Variants in TXNDC8 observed in about 807,000 individuals in gnomAD.
The protein encoded by TXNDC8 is thioredoxin domain-containing protein 8.
Under a neutral mutation model 12.9 loss-of-function variants are expected in TXNDC8, and 15 were observed. The ratio of observed to expected loss-of-function variants is 1.16; its 90% CI spans 0.78 to 1.79. The LOEUF is 1.79. Among genes scored for constraint, TXNDC8 ranks in the 40% most tolerant of loss-of-function variants. The pLI is 0.00. For synonymous variants in TXNDC8, 40 were observed against 35.4 expected, an observed-to-expected ratio of 1.13 and a Z score of -0.46; for missense variants, 128 against 113.2, an observed-to-expected ratio of 1.13 and a Z score of -0.59.
At chr9:110,329,781 T>A (rs1480672133) in intron 2 of TXNDC8, among the ~76,000 whole-genome samples, 2 of 152,218 alleles carry the variant, frequency 1.3e-5, no homozygotes, top group African/African-American at 4.8e-5. Flanking sequence ...AACATTTTAA[T>A]GCTGACCATT....
chr9:110,311,547 A>G (rs563186893), intron 3 of TXNDC8, among the ~76,000 whole-genome samples: 2,532 of 129,140 alleles, frequency 0.02, 231 homozygotes, highest in African/African-American at 0.07. Flanking sequence ...ATATATATAT[A>G]TATATATATA....
rs998397365 is a variant in TXNDC8 at position 110,316,105 on chromosome 9, A to G, written c.195+10070T>C. On this transcript the variant is annotated intron_variant, in intron 3 of 4. Coordinates refer to ENST00000423740, the MANE Select transcript of TXNDC8 (RefSeq NM_001286946.2). ...TTTTTAGAAGAGATGGGGTTTCACC[A>G]TCTAGGCTACTACCTGCTAGGCTGG... Among the ~76,000 whole-genome samples, 10 of 150,848 alleles carry G rather than the reference A, an allele frequency of 6.6e-5. No homozygotes were observed. The East Asian group carries it at 7.8e-4, about 12-fold the overall frequency.
Position 110,337,836 on chromosome 9 carries a change from T to G in TXNDC8, c.-40A>C, listed in dbSNP as rs1465876724. On this transcript the variant is annotated 5_prime_UTR_variant, in exon 1 of 5. Coordinates refer to ENST00000423740, the MANE Select transcript of TXNDC8 (RefSeq NM_001286946.2). ...AGTGCTGATGAAAATCCCCTGTTGG[T>G]TTAGTTGGATCACTGTAGCTGTCTC... The G allele has an allele frequency of 2.5e-6, 4 of 1,605,388 alleles. No individual in the cohort carries two copies. In the Admixed American group the frequency reaches 5.0e-5, roughly 20 times the overall value.
chr9:110,325,043 C>CG (rs922279718), intron 3 of TXNDC8, among the ~76,000 whole-genome samples: 4 of 151,984 alleles, frequency 2.6e-5, no homozygotes, highest in Non-Finnish European at 4.4e-5. Context: ...ACCCAGGAGG[C>CG]GGAGGTTGCA....
intron 3 of TXNDC8, among the ~76,000 whole-genome samples, chr9:110,309,285 C>G (rs1838573621): frequency 6.6e-6 from 1 of 152,032 alleles, no homozygotes; most frequent in Non-Finnish European, 1.5e-5. Flanking sequence ...ATTGACCCCC[C>G]CACAATATGC....
intron 3 of TXNDC8, among the ~76,000 whole-genome samples, chr9:110,312,999 G>A (rs544243932): frequency 1.4e-4 from 21 of 152,212 alleles, no homozygotes; most frequent in African/African-American, 3.9e-4. Context: ...TCCGCCACCC[G>A]GATTCAAGTG....
chr9:110,323,944 G>A (rs758274012), intron 3 of TXNDC8: 2 of 1,550,948 alleles, frequency 1.3e-6, no homozygotes, highest in East Asian at 2.4e-5. Context: ...CTGGAGTCAA[G>A]GGTCCATTTC....
chr9:110,326,940 G>GCACACACACA (rs377527245), intron 2 of TXNDC8, among the ~76,000 whole-genome samples: 29,616 of 142,738 alleles, frequency 0.21, 3,223 homozygotes, highest in Admixed American at 0.23. Flanking sequence ...TGCTACTCAT[G>GCACACACACA]CACACACACA....
chr9:110,330,335 C>A (rs1032016170), intron 2 of TXNDC8, among the ~76,000 whole-genome samples: 1 of 152,178 alleles, frequency 6.6e-6, no homozygotes, highest in Non-Finnish European at 1.5e-5. Flanking sequence ...TCTTGTGCAA[C>A]CTCCAAAAAT....
chr9:110,322,892 C>T, intron 3 of TXNDC8: 1 of 985,418 alleles, frequency 1.0e-6, no homozygotes, highest in African/African-American at 1.7e-5. Context: ...CTTCTAGTCA[C>T]TGAGCTTTCA....
chr9:110,327,323 T>TAC (rs1447750882), intron 2 of TXNDC8, among the ~76,000 whole-genome samples: 4 of 33,344 alleles, frequency 1.2e-4, no homozygotes, highest in African/African-American at 9.3e-4. Context: ...GTTTATACTA[T>TAC]ATATTTTTTT....
chr9:110,310,743 G>A (rs546782121), intron 3 of TXNDC8, among the ~76,000 whole-genome samples: 6 of 152,254 alleles, frequency 3.9e-5, no homozygotes, highest in Middle Eastern at 3.4e-3. Context: ...AATGTCTTAA[G>A]AATTGCCAGC....
downstream of TXNDC8, among the ~76,000 whole-genome samples, chr9:110,302,086 C>T (rs1445642641): frequency 1.3e-5 from 2 of 151,988 alleles, no homozygotes; most frequent in Admixed American, 6.6e-5. Context: ...ACCTTCCAGG[C>T]GCAAGTAATC....
rs1258736041 is a variant in TXNDC8, at chr9:110,304,593, C to T, written c.196-61G>A. 6 of 1,455,118 alleles carry T rather than the reference C, an allele frequency of 4.1e-6. No individual in the cohort carries two copies. In the African/African-American group the frequency reaches 7.1e-5, roughly 17 times the overall value. 90.1% of individuals were successfully genotyped at this position (1,455,118 alleles called of 1,614,324 possible). ...GTTGCCTGGTTTGTAACCATCTCCC[C>T]TATAACTGGTTCTTTTGGCCTTGGC... is the stretch of plus-strand genomic sequence containing the variant. On this transcript the variant is annotated intron_variant, in intron 3 of 4. Coordinates refer to ENST00000423740, the MANE Select transcript of TXNDC8 (RefSeq NM_001286946.2).
intron 3 of TXNDC8, among the ~76,000 whole-genome samples, chr9:110,318,205 A>G (rs1838954562): frequency 6.6e-6 from 1 of 152,156 alleles, no homozygotes; most frequent in Non-Finnish European, 1.5e-5. Context: ...GAGCATTCCT[A>G]TGTGTCTGAC....
At chr9:110,324,093 A>G (rs1173502859) in intron 3 of TXNDC8, 1 of 1,433,894 alleles carries the variant, frequency 7.0e-7, no homozygotes, top group African/African-American at 1.4e-5. Flanking sequence ...GCTGGGTGCC[A>G]AAAAGAAGTG....
chr9:110,333,238 A>G (rs1839611336), intron 2 of TXNDC8, among the ~76,000 whole-genome samples: 1 of 152,160 alleles, frequency 6.6e-6, no homozygotes, highest in African/African-American at 2.4e-5. Context: ...GTGAGCTGTC[A>G]TTACTGCCTG....
At chr9:110,307,206 C>T (rs1300224750) in intron 3 of TXNDC8, among the ~76,000 whole-genome samples, 1 of 151,858 alleles carries the variant, frequency 6.6e-6, no homozygotes, top group African/African-American at 2.4e-5. Flanking sequence ...CTCCTGCCTC[C>T]CCTCCCAAAG....
Position 110,303,495 on chromosome 9 carries a change from A to C in TXNDC8, c.*187T>G. On this transcript the variant is annotated 3_prime_UTR_variant, in exon 5 of 5. Coordinates refer to ENST00000423740, the MANE Select transcript of TXNDC8 (RefSeq NM_001286946.2). ...TTGCTCTTGCCTTTTCAAATGTCACAAGTGTATTTTGCCTTGGAGATCAGC... is the reference window on the plus strand; with the variant it reads ...TTGCTCTTGCCTTTTCAAATGTCACCAGTGTATTTTGCCTTGGAGATCAGC... 2.6e-6 allele frequency: 4 copies of C among 1,519,434 alleles called. No homozygotes were observed. The highest frequency in any genetic ancestry group is 3.6e-6 in the Non-Finnish European group (4 of 1,126,396). 94.1% of individuals were successfully genotyped at this position (1,519,434 alleles called of 1,614,324 possible).
Sources: allele counts gnomAD v4.1 joint callset (sites outside exome capture counted in the v4.1 genomes callset), GRCh38; gene constraint gnomAD v4.1.1; transcripts MANE v1.5; gene names NCBI Gene and HGNC (gene_info 2026-07-23, HGNC 2026-07-21).